SLCO1B3: variants seen among roughly 807,000 people sequenced by gnomAD.
SLCO1B3 encodes liver-specific organic anion transporter 2.
A neutral mutation model predicts 71.8 loss-of-function variants in SLCO1B3; 72 were observed. The ratio of observed to expected loss-of-function variants is 1.00; its 90% CI spans 0.83 to 1.22. The LOEUF (loss-of-function observed/expected upper bound fraction) is 1.22. SLCO1B3 is among the 50% of genes most tolerant of loss of function. SLCO1B3 has a pLI of 0.00. For synonymous variants in SLCO1B3, 298 were observed against 278.4 expected (o/e 1.07, Z -0.70); for missense variants, 911 against 819.7 (o/e 1.11, Z -1.36).
At chr12:20,874,010 T>C (rs184636573) in intron 8 of SLCO1B3, among the ~76,000 whole-genome samples, 2 of 152,316 alleles carry the variant, frequency 1.3e-5, no homozygotes, top group Non-Finnish European at 1.5e-5. Flanking sequence ...CTATCATTGA[T>C]GGGTATTTGG....
At chr12:20,893,874 C>T (rs1340875275) in intron 13 of SLCO1B3, among the ~76,000 whole-genome samples, 1 of 152,090 alleles carries the variant, frequency 6.6e-6, no homozygotes, top group Non-Finnish European at 1.5e-5. Flanking sequence ...ACAAACAAAA[C>T]ATCAATTGAA....
intron 4 of SLCO1B3, among the ~76,000 whole-genome samples, chr12:20,857,294 C>G (rs1181118216): frequency 6.6e-6 from 1 of 152,024 alleles, no homozygotes; most frequent in African/African-American, 2.4e-5. Flanking sequence ...CATATGAAAG[C>G]TTACGTCTTC....
intron 9 of SLCO1B3, 98 bp from the exon 10 acceptor site, chr12:20,877,674 T>A: frequency 2.1e-6 from 1 of 476,564 alleles, no homozygotes; most frequent in Non-Finnish European, 3.2e-6. Flanking sequence ...GCCTCACAAA[T>A]CATTTGTAAC....
chr12:20,904,257 T>A (rs1424034932), intron 15 of SLCO1B3, among the ~76,000 whole-genome samples: 2 of 148,330 alleles, frequency 1.3e-5, no homozygotes, highest in African/African-American at 4.9e-5. Flanking sequence ...AAAAAATTAG[T>A]TACTTCCAAG....
At chr12:20,900,504 C>G (rs1468188416) in intron 14 of SLCO1B3, among the ~76,000 whole-genome samples, 1 of 152,070 alleles carries the variant, frequency 6.6e-6, no homozygotes, top group Non-Finnish European at 1.5e-5. Context: ...TTATACTTCT[C>G]CTATAAACAA....
intron 15 of SLCO1B3, among the ~76,000 whole-genome samples, chr12:20,914,447 ATT>A (rs1171697769): frequency 2.6e-5 from 4 of 152,182 alleles, no homozygotes; most frequent in African/African-American, 9.6e-5. Context: ...CATTGCTGTC[ATT>A]TACTCCACTT....
intron 2 of SLCO1B3, among the ~76,000 whole-genome samples, chr12:20,813,877 G>A (rs925319373): frequency 6.6e-6 from 1 of 151,930 alleles, no homozygotes; most frequent in Admixed American, 6.6e-5. Flanking sequence ...GCAACTTTAT[G>A]GAACATAATT....
intron 13 of SLCO1B3, among the ~76,000 whole-genome samples, chr12:20,896,339 A>G (rs1449752732): frequency 1.3e-5 from 2 of 152,118 alleles, no homozygotes; most frequent in Non-Finnish European, 2.9e-5. Context: ...CCCTTATAAA[A>G]CTGAATGCCT....
intron 15 of SLCO1B3, among the ~76,000 whole-genome samples, chr12:20,912,119 A>C (rs558227249): frequency 6.6e-5 from 10 of 151,908 alleles, no homozygotes; most frequent in Middle Eastern, 3.4e-3. Context: ...AATATTTTTA[A>C]ATTTCTCATG....
chr12:20,813,695 G>T (rs1253685771), intron 2 of SLCO1B3, 57 bp downstream of exon 2: 1 of 152,100 alleles, frequency 6.6e-6, no homozygotes, highest in East Asian at 1.9e-4. Context: ...CAATGTTAAT[G>T]AATCAACAGT....
chr12:20,854,258 T>C (rs1865085373), intron 3 of SLCO1B3, among the ~76,000 whole-genome samples: 1 of 152,094 alleles, frequency 6.6e-6, no homozygotes, highest in Non-Finnish European at 1.5e-5. Context: ...CCTATGATAG[T>C]CTCCCTGGTT....
At chr12:20,843,895 C>T (rs201915613) in intron 3 of SLCO1B3, among the ~76,000 whole-genome samples, 1 of 16,968 alleles carries the variant, frequency 5.9e-5, no homozygotes, top group Non-Finnish European at 5.9e-4. Context: ...ATATTCTTAT[C>T]TAAACTTTCT....
At chr12:20,821,702 C>G (rs564567540) in intron 3 of SLCO1B3, among the ~76,000 whole-genome samples, 10 of 152,044 alleles carry the variant, frequency 6.6e-5, no homozygotes, top group Non-Finnish European at 1.5e-4. Context: ...GGTTGGGGTA[C>G]TTGCCCCTCC....
intron 2 of SLCO1B3, among the ~76,000 whole-genome samples, chr12:20,814,981 C>CTTTTTTTTTTTTTTTTTTT (rs71039997): frequency 3.4e-5 from 3 of 89,292 alleles, no homozygotes; most frequent in Non-Finnish European, 4.6e-5. Context: ...CTTTTCTTTT[C>CTTTTTTTTTTTTTTTTTTT]TTTTTTTTTT....
At chr12:20,843,749 C>A (rs540723725) in intron 3 of SLCO1B3, among the ~76,000 whole-genome samples, 2 of 151,588 alleles carry the variant, frequency 1.3e-5, no homozygotes, top group South Asian at 2.1e-4. Context: ...TCACTGCACT[C>A]CAGCCTGGGC....
chr12:20,904,859 C>T (rs780451840), intron 15 of SLCO1B3, among the ~76,000 whole-genome samples: 6 of 147,840 alleles, frequency 4.1e-5, no homozygotes, highest in Middle Eastern at 3.5e-3. Flanking sequence ...CCGTAACCAC[C>T]GCCTCCTGGG....
At chr12:20,854,315 A>ATTATTATTT (rs1326616599) in intron 3 of SLCO1B3, among the ~76,000 whole-genome samples, 2 of 151,646 alleles carry the variant, frequency 1.3e-5, no homozygotes, top group Admixed American at 6.6e-5. Flanking sequence ...CATTATTATT[A>ATTATTATTT]TTATGTTACT....
At chr12:20,864,801 G>T (rs1023195669) in intron 8 of SLCO1B3, among the ~76,000 whole-genome samples, 8 of 152,128 alleles carry the variant, frequency 5.3e-5, no homozygotes, top group Non-Finnish European at 1.2e-4. Context: ...TTATGATAAA[G>T]TATACTTTGG....
chr12:20,888,326 T>C (rs2121330225), intron 13 of SLCO1B3, among the ~76,000 whole-genome samples: 1 of 152,158 alleles, frequency 6.6e-6, no homozygotes, highest in East Asian at 1.9e-4. Context: ...TTCCAATTCA[T>C]GAGCGTAGGA....
Sources: gnomAD v4.1 joint callset for allele counts (sites outside exome capture counted in the v4.1 genomes callset) on GRCh38, gnomAD v4.1.1 for gene constraint, MANE v1.5 for transcripts, NCBI Gene and HGNC (gene_info 2026-07-23, HGNC 2026-07-21) for gene names.